The following PTPN2 variants were observed in gnomAD, a reference collection of about 807,000 sequenced individuals.
PTPN2 encodes tyrosine-protein phosphatase non-receptor type 2.
A neutral mutation model predicts 57.3 loss-of-function variants in PTPN2; 19 were observed. The observed-to-expected ratio is 0.33, with a 90% CI of 0.23 to 0.49. The LOEUF (loss-of-function observed/expected upper bound fraction) is 0.49. PTPN2 is among the 20% of genes least tolerant of loss of function. The pLI, the probability that PTPN2 is intolerant of heterozygous loss-of-function variation, is 0.99. For synonymous variants in PTPN2, 153 were observed against 164.9 expected (o/e 0.93, Z 0.55); for missense variants, 358 against 501.1 (o/e 0.71, Z 2.73).
At chr18:12,858,664 C>T (rs1259302096) in intron 2 of PTPN2, among the ~76,000 whole-genome samples, 1 of 152,048 alleles carries the variant, frequency 6.6e-6, no homozygotes, top group East Asian at 1.9e-4. Flanking sequence ...TTAAAAACTC[C>T]AAAGAATATA....
At chr18:12,836,950 A>G (rs2042886544) in intron 2 of PTPN2, 59 bp from the exon 3 acceptor site, 8 of 996,158 alleles carry the variant, frequency 8.0e-6, no homozygotes, top group Non-Finnish European at 1.2e-5. Flanking sequence ...TTTTATCTTC[A>G]TATTAATATT....
At chr18:12,872,933 G>A (rs757218543) in intron 1 of PTPN2, among the ~76,000 whole-genome samples, 1 of 152,152 alleles carries the variant, frequency 6.6e-6, no homozygotes, top group Non-Finnish European at 1.5e-5. Flanking sequence ...AATTAAGAAT[G>A]TAACAGGCTG....
chr18:12,815,538 G>C (rs1395097747), intron 6 of PTPN2, among the ~76,000 whole-genome samples: 2 of 152,106 alleles, frequency 1.3e-5, no homozygotes, highest in South Asian at 2.1e-4. Context: ...TACTGACCTA[G>C]TGTTAGAATC....
downstream of PTPN2, among the ~76,000 whole-genome samples, chr18:12,789,043 T>C (rs539321785): frequency 2.0e-5 from 3 of 152,162 alleles, no homozygotes; most frequent in South Asian, 4.2e-4. Context: ...AGCCACTGAG[T>C]GTACAGTTTT....
chr18:12,870,819 A>AT (rs1300279333), intron 1 of PTPN2, among the ~76,000 whole-genome samples: 2 of 151,640 alleles, frequency 1.3e-5, no homozygotes, highest in Non-Finnish European at 1.5e-5. Context: ...GCACATACAT[A>AT]TTTTTTTACT....
chr18:12,794,052 T>C lies in PTPN2; in HGVS notation c.*226A>G, dbSNP rs1291362172. 1 of 1,403,298 alleles carries C rather than the reference T, an allele frequency of 7.1e-7. No individual in the cohort carries two copies. Among genetic ancestry groups the C allele is most frequent in the African/African-American group, 1.4e-5 (1 of 69,190 alleles). 86.9% of individuals were successfully genotyped at this position (1,403,298 alleles called of 1,614,324 possible). ...AAAATTTACCAGTTTTTAACAAACATGAATGTCTTTATTTTAGACAGCCAT... is the reference window on the plus strand; with the variant it reads ...AAAATTTACCAGTTTTTAACAAACACGAATGTCTTTATTTTAGACAGCCAT... On this transcript the variant is annotated 3_prime_UTR_variant, in exon 9 of 9. Transcript: ENST00000309660.
chr18:12,874,445 G>A lies in PTPN2; in HGVS notation c.69+9628C>T, dbSNP rs569780514. Among the ~76,000 whole-genome samples the A allele has an allele frequency of 1.4e-4, 21 of 146,428 alleles. No homozygotes were observed. The East Asian group carries it at 3.0e-3, about 21-fold the overall frequency. The stretch of plus-strand genomic sequence containing the variant: ...CCCCGCCCGGCCTGCCGCCTCGTCC[G>A]GGAGGTGAGGGGCGCCTCTGCCCGG... On this transcript the variant is annotated intron_variant, in intron 1 of 8. Coordinates refer to ENST00000309660, the MANE Select transcript of PTPN2 (RefSeq NM_002828.4).
intron 8 of PTPN2, among the ~76,000 whole-genome samples, chr18:12,799,431 G>GA (rs903207287): frequency 3.3e-5 from 5 of 150,342 alleles, no homozygotes; most frequent in African/African-American, 7.3e-5. Context: ...AAAAAAAAAA[G>GA]AAAAAAAAGA....
rs1423495944 is a variant in PTPN2, at chr18:12,793,166, A to T, written c.*1112T>A. ...ACACTGAATGGAATGTTGAAATCTG[A>T]GGAAAGCTAGCATTCAAATGAGCAG... On this transcript the variant is annotated 3_prime_UTR_variant, in exon 9 of 9. Transcript: ENST00000309660. 3.8e-5 allele frequency: 37 copies of T among 985,210 alleles called. No individual in the cohort carries two copies. The highest frequency in any genetic ancestry group is 4.2e-5 in the Non-Finnish European group (35 of 829,730). 61.0% of individuals were successfully genotyped at this position (985,210 alleles called of 1,614,324 possible). A position where few individuals can be genotyped will look rare whatever the true frequency, so the allele number is the denominator to read the frequency against.
At chr18:12,808,286 A>G (rs1341448267) in intron 7 of PTPN2, among the ~76,000 whole-genome samples, 1 of 150,910 alleles carries the variant, frequency 6.6e-6, no homozygotes, top group Non-Finnish European at 1.5e-5. Flanking sequence ...TTCAAGTACT[A>G]TGAAATATAT....
At chr18:12,807,864 G>A (rs2041742158) in intron 7 of PTPN2, among the ~76,000 whole-genome samples, 1 of 151,800 alleles carries the variant, frequency 6.6e-6, no homozygotes, top group South Asian at 2.1e-4. Context: ...GTGTTTTACT[G>A]CACAGAATGA....
chr18:12,813,667 G>A (rs115425582), intron 7 of PTPN2, among the ~76,000 whole-genome samples: 2,049 of 152,214 alleles, frequency 0.013, 52 homozygotes, highest in African/African-American at 0.047. Flanking sequence ...GTCTGTGGTT[G>A]TTTCTATTTT....
At chr18:12,849,164 C>T (rs1003069962) in intron 2 of PTPN2, among the ~76,000 whole-genome samples, 2 of 152,184 alleles carry the variant, frequency 1.3e-5, no homozygotes, top group African/African-American at 4.8e-5. Flanking sequence ...TTCTAGCTTG[C>T]TATGTGTCAT....
intron 1 of PTPN2, among the ~76,000 whole-genome samples, chr18:12,871,204 A>G (rs1045824356): frequency 8.5e-5 from 13 of 152,330 alleles, no homozygotes; most frequent in African/African-American, 3.1e-4. Context: ...GTCATCTATA[A>G]TGGGACACAT....
intron 2 of PTPN2, among the ~76,000 whole-genome samples, chr18:12,842,833 A>C (rs1363188646): frequency 6.6e-6 from 1 of 152,224 alleles, no homozygotes; most frequent in African/African-American, 2.4e-5. Context: ...CAAGTATTCA[A>C]ACATTGTTTA....
intron 1 of PTPN2, among the ~76,000 whole-genome samples, chr18:12,867,675 T>C (rs2044040375): frequency 6.6e-6 from 1 of 152,220 alleles, no homozygotes; most frequent in African/African-American, 2.4e-5. Flanking sequence ...ATCACAGACT[T>C]GGGGAAGTGC....
At chr18:12,884,002 G>C (rs975767822) in intron 1 of PTPN2, 71 bp downstream of exon 1, 3 of 1,349,396 alleles carry the variant, frequency 2.2e-6, no homozygotes, top group Non-Finnish European at 3.0e-6. Context: ...AGGCGGGAGG[G>C]ACCCTGCGGA....
chr18:12,855,297 T>C (rs1415018892), intron 2 of PTPN2, among the ~76,000 whole-genome samples: 1 of 151,808 alleles, frequency 6.6e-6, no homozygotes, highest in Non-Finnish European at 1.5e-5. Context: ...GGGGCTGGGG[T>C]AGGATATAAG....
intron 5 of PTPN2, chr18:12,818,971 G>GT (rs1177395730): frequency 8.5e-6 from 2 of 236,194 alleles, no homozygotes; most frequent in Non-Finnish European, 1.6e-5. Flanking sequence ...GTGCATGCCT[G>GT]TAATCCCAGC....
Sources: allele counts gnomAD v4.1 joint callset (sites outside exome capture counted in the v4.1 genomes callset), GRCh38; gene constraint gnomAD v4.1.1; transcripts MANE v1.5; gene names NCBI Gene and HGNC (gene_info 2026-07-23, HGNC 2026-07-21).